Variants in GAD2 observed in about 807,000 individuals in gnomAD.
GAD2 encodes glutamate decarboxylase 2, also known as 65 kDa glutamic acid decarboxylase.
In GAD2, 22 loss-of-function variants were observed where a neutral mutation model predicts 80.1. That is an observed-to-expected ratio of 0.27 (90% CI 0.20 to 0.39). The LOEUF (loss-of-function observed/expected upper bound fraction) is 0.39. GAD2 is among the 10% of genes least tolerant of loss of function. The pLI is 1.00. For missense variants in GAD2, 624 were observed against 738.4 expected, an observed-to-expected ratio of 0.85 and a Z score of 1.80; for synonymous variants, 274 against 256.9, an observed-to-expected ratio of 1.07 and a Z score of -0.64.
chr10:26,254,476 G>T (rs1440772574), intron 8 of GAD2, among the ~76,000 whole-genome samples: 2 of 152,176 alleles, frequency 1.3e-5, no homozygotes, highest in African/African-American at 2.4e-5. Context: ...TTCCTAACAG[G>T]TCACCATTAG....
At chr10:26,271,377 A>T (rs922985402) in intron 10 of GAD2, among the ~76,000 whole-genome samples, 7 of 147,004 alleles carry the variant, frequency 4.8e-5, no homozygotes, top group Non-Finnish European at 8.8e-5. Context: ...TTTTCCAATG[A>T]AAAAAAATGT....
At chr10:26,228,816 G>A (rs918297622) in intron 6 of GAD2, among the ~76,000 whole-genome samples, 1 of 151,224 alleles carries the variant, frequency 6.6e-6, no homozygotes, top group Non-Finnish European at 1.5e-5. Flanking sequence ...ACCAGCCCCC[G>A]ACCTTCCATA....
At chr10:26,237,588 A>G (rs1334509722) in intron 7 of GAD2, among the ~76,000 whole-genome samples, 1 of 152,056 alleles carries the variant, frequency 6.6e-6, no homozygotes, top group Non-Finnish European at 1.5e-5. Flanking sequence ...CTTAAGAGGG[A>G]TGTGCCCTTC....
intron 12 of GAD2, among the ~76,000 whole-genome samples, chr10:26,283,591 C>T (rs1589152397): frequency 6.6e-6 from 1 of 152,150 alleles, no homozygotes; most frequent in Admixed American, 6.5e-5. Context: ...TGGTGGTCTC[C>T]CACCCTCCTC....
rs1170147849 is a variant in GAD2 at position 26,302,287 on chromosome 10, C to T, written c.*1326C>T. ...TGTTTTTCTTCCATGAAATGAGCCT[C>T]TCACCCTAGATTTTGAGGCATTATC... On this transcript the variant is annotated 3_prime_UTR_variant, in exon 16 of 16. Transcript: ENST00000376261. 6.6e-6 allele frequency: 1 copy of T among 152,084 alleles called. No homozygotes were observed. Among genetic ancestry groups the T allele is most frequent in the East Asian group, 1.9e-4 (1 of 5,196 alleles). 9.4% of individuals were successfully genotyped at this position (152,084 alleles called of 1,614,324 possible). A position where few individuals can be genotyped will look rare whatever the true frequency, so the allele number is the denominator to read the frequency against.
At chr10:26,300,717 G>A in intron 15 of GAD2, 71 bp from the exon 16 acceptor site, 1 of 1,389,980 alleles carries the variant, frequency 7.2e-7, no homozygotes, top group Admixed American at 2.0e-5. Context: ...GACGCTGCTT[G>A]CTGTTGGGTT....
intron 11 of GAD2, among the ~76,000 whole-genome samples, chr10:26,280,458 G>T (rs553963888): frequency 6.6e-6 from 1 of 152,116 alleles, no homozygotes; most frequent in East Asian, 1.9e-4. Context: ...AACTGGGGAG[G>T]GGCCTTCCAG....
chr10:26,286,271 CTTAT>C, intron 12 of GAD2, 70 bp from the exon 13 acceptor site: 1 of 1,319,678 alleles, frequency 7.6e-7, no homozygotes, highest in South Asian at 1.3e-5. Flanking sequence ...CTTCTTTTTT[CTTAT>C]TAATTTTTAC....
intron 8 of GAD2, among the ~76,000 whole-genome samples, chr10:26,260,306 T>C (rs1844994161): frequency 6.6e-6 from 1 of 152,104 alleles, no homozygotes; most frequent in Non-Finnish European, 1.5e-5. Flanking sequence ...TGCGGGTAAA[T>C]ATTTGCACAT....
chr10:26,218,052 G>C, intron 3 of GAD2, 61 bp downstream of exon 3: 1 of 1,506,042 alleles, frequency 6.6e-7, no homozygotes. Flanking sequence ...CGCCCACCGC[G>C]GCCGGTGCGG....
In GAD2 at chr10:26,217,975, G is replaced by T. The variant is rs756450960; in HGVS notation, c.270G>T (p.Ala90=). 3.1e-6 allele frequency: 5 copies of T among 1,610,648 alleles called. No homozygotes were observed. Among genetic ancestry groups the T allele is most frequent in the Non-Finnish European group, 1.7e-6 (2 of 1,178,618 alleles). ...GCTCCAAAGTGGATGTCAACTACGC[G>T]TTTCTCCATGCAACAGGTAAAGACT... is the stretch of plus-strand genomic sequence containing the variant. ...CSCSKVDVNY[A]FLHATDLLPA... is the part of the protein sequence containing the mutation. Residue 90 remains alanine, a synonymous_variant, in exon 3 of 16, where the codon GCG becomes GCT. Coordinates refer to ENST00000376261, the MANE Select transcript of GAD2 (RefSeq NM_001134366.2). This position sits in a 1 kb window ranked among gnomAD's most constrained non-coding sequence, Gnocchi z 4.9.
intron 7 of GAD2, among the ~76,000 whole-genome samples, chr10:26,238,923 G>A (rs1257031726): frequency 6.6e-6 from 1 of 152,152 alleles, no homozygotes; most frequent in Non-Finnish European, 1.5e-5. Context: ...TCAGAAGGAT[G>A]TGAAGGAGGA....
At chr10:26,238,799 G>A (rs1844706602) in intron 7 of GAD2, among the ~76,000 whole-genome samples, 1 of 152,204 alleles carries the variant, frequency 6.6e-6, no homozygotes, top group Admixed American at 6.5e-5. Context: ...GTTCTTTCGG[G>A]CCAGCTGGCG....
chr10:26,254,929 G>A (rs7900739), intron 8 of GAD2, among the ~76,000 whole-genome samples: 60,518 of 152,128 alleles, frequency 0.4, 14,689 homozygotes, highest in African/African-American at 0.69. Context: ...AAGTCCAGGC[G>A]TTGCTATTCT....
chr10:26,245,933 C>T lies in GAD2; in HGVS notation c.853C>T (p.Leu285Phe), dbSNP rs1844804018. 6.2e-7 allele frequency: 1 copy of T among 1,613,420 alleles called. No individual in the cohort carries two copies. Among genetic ancestry groups the T allele is most frequent in the Non-Finnish European group, 8.5e-7 (1 of 1,179,510 alleles). Reference sequence around the variant, plus strand: ...ATTTTTTTTACAGAGTCATTTTTCTCTCAAGAAGGGAGCTGCAGCCTTAGG... The same window carrying T: ...ATTTTTTTTACAGAGTCATTTTTCTTTCAAGAAGGGAGCTGCAGCCTTAGG... Reference protein sequence around the residue: ...AFTSEHSHFSLKKGAAALGIG... With the variant: ...AFTSEHSHFSFKKGAAALGIG... The change falls in exon 8 of 16, where the codon CTC becomes TTC. Residue 285 changes from leucine to phenylalanine, a missense_variant. Leu to Phe is a conservative substitution (Grantham distance 22). Transcript: ENST00000376261.
chr10:26,292,042 G>A (rs957971069), intron 13 of GAD2, among the ~76,000 whole-genome samples: 1 of 152,162 alleles, frequency 6.6e-6, no homozygotes, highest in Non-Finnish European at 1.5e-5. Context: ...TGGGCTCTGG[G>A]AATGGAAAAT....
chr10:26,249,792 C>T (rs1844856730), intron 8 of GAD2, among the ~76,000 whole-genome samples: 1 of 152,170 alleles, frequency 6.6e-6, no homozygotes, highest in South Asian at 2.1e-4. Flanking sequence ...CAACACTCTG[C>T]TCACAAGAGA....
intron 6 of GAD2, among the ~76,000 whole-genome samples, chr10:26,227,361 TGCCTGGA>T (rs1254519504): frequency 6.6e-6 from 1 of 152,236 alleles, no homozygotes; most frequent in African/African-American, 2.4e-5. Context: ...CAGTCTTCTC[TGCCTGGA>T]GGCCCAGAAG....
intron 4 of GAD2, 151 bp from the exon 5 acceptor site, chr10:26,223,736 C>T: frequency 2.0e-6 from 1 of 501,158 alleles, no homozygotes. Flanking sequence ...TGTTCTTGTG[C>T]ATACACACGT....
Sources: gnomAD v4.1 joint callset for allele counts (sites outside exome capture counted in the v4.1 genomes callset) on GRCh38, gnomAD v4.1.1 for gene constraint, Gnocchi (gnomAD v3.1) non-coding constraint, MANE v1.5 for transcripts, NCBI Gene and HGNC (gene_info 2026-07-23, HGNC 2026-07-21) for gene names.